The following DLG1 variants were observed in gnomAD, a reference collection of about 807,000 sequenced individuals.
The protein encoded by DLG1 is disks large homolog 1.
DLG1 carries 42 observed loss-of-function variants against 123.4 expected under a neutral mutation model. The observed-to-expected ratio is 0.34, with a 90% CI of 0.27 to 0.44. The LOEUF (loss-of-function observed/expected upper bound fraction) is 0.44. Among genes scored for constraint, DLG1 ranks in the 20% least tolerant of loss-of-function variants. DLG1 has a pLI of 1.00. For synonymous variants in DLG1, 317 were observed against 356.2 expected, an observed-to-expected ratio of 0.89 and a Z score of 1.24; for missense variants, 942 against 1,082.6, an observed-to-expected ratio of 0.87 and a Z score of 1.82.
rs776993452 is a variant in DLG1 at position 197,043,534 on chromosome 3, AAGTT to A, written c.*1085_*1088del. On this transcript the variant is annotated 3_prime_UTR_variant, in exon 25 of 25. Coordinates refer to ENST00000667157, the MANE Select transcript of DLG1 (RefSeq NM_001366207.1). ...ATATTTAATTTAAAAACCAAACAAA[AAGTT>A]AGGAGTAGGTGGCAAAAGAAACAAA... The A allele has an allele frequency of 2.5e-4, 38 of 152,094 alleles. No individual in the cohort carries two copies. The highest frequency in any genetic ancestry group is 4.1e-4 in the South Asian group (2 of 4,822). 9.4% of individuals were successfully genotyped at this position (152,094 alleles called of 1,614,324 possible).
rs1577261195 is a variant in DLG1, at chr3:197,159,560, G to A, written c.484-9764C>T. ...TAACGCATCTAAATGTAAAGTAGTG[G>A]ATCTTTTAAGAATACATATTCACTT... is the stretch of plus-strand genomic sequence containing the variant. On this transcript the variant is annotated intron_variant, in intron 5 of 24. Transcript: ENST00000667157. Among the ~76,000 whole-genome samples the A allele has an allele frequency of 2.0e-5, 3 of 152,224 alleles. No homozygotes were observed. The South Asian group carries it at 6.2e-4, about 32-fold the overall frequency.
At chr3:197,264,985 G>T (rs187470693) in intron 4 of DLG1, among the ~76,000 whole-genome samples, 2 of 152,120 alleles carry the variant, frequency 1.3e-5, no homozygotes, top group African/African-American at 4.8e-5. Flanking sequence ...CTTCAAAAAA[G>T]CTTGCATAGA....
At position 197,194,551 on chromosome 3, in the gene DLG1, C is replaced by T. The variant is rs1028114974; in HGVS notation, c.357G>A (p.Glu119=). ...CATTTGTGATTTGTGGGGAAATATG[C>T]TCTTGAGGAGGTGTATCTTCATCCT... ...RYQDEDTPPQ[E]HISPQITNEV... Residue 119 remains glutamate, a synonymous_variant, in exon 5 of 25, where the codon GAG becomes GAA. Coordinates refer to ENST00000667157, the MANE Select transcript of DLG1 (RefSeq NM_001366207.1). 1 of 1,605,292 alleles carries T rather than the reference C, an allele frequency of 6.2e-7. No individual in the cohort carries two copies. Among genetic ancestry groups the T allele is most frequent in the Non-Finnish European group, 8.5e-7 (1 of 1,176,674 alleles).
intron 14 of DLG1, among the ~76,000 whole-genome samples, chr3:197,091,326 T>C (rs1480554178): frequency 6.6e-6 from 1 of 152,036 alleles, no homozygotes; most frequent in East Asian, 1.9e-4. Flanking sequence ...TAATCTTATA[T>C]TACTGTTGAA....
chr3:197,082,405 T>A (rs1751725234), intron 16 of DLG1, among the ~76,000 whole-genome samples: 1 of 152,016 alleles, frequency 6.6e-6, no homozygotes, highest in South Asian at 2.1e-4. Context: ...AAACTCATGA[T>A]TTTTACGATT....
intron 10 of DLG1, among the ~76,000 whole-genome samples, chr3:197,136,154 A>G (rs1401969201): frequency 6.6e-6 from 1 of 152,190 alleles, no homozygotes; most frequent in East Asian, 1.9e-4. Context: ...AATAAGAAAC[A>G]CAAAATGGTT....
At chr3:197,048,348 G>A (rs1724866564) in intron 24 of DLG1, among the ~76,000 whole-genome samples, 1 of 152,174 alleles carries the variant, frequency 6.6e-6, no homozygotes, top group Admixed American at 6.5e-5. Context: ...GCATGTGCCT[G>A]TAATCCCAGC....
chr3:197,191,777 G>C (rs1327488347), intron 5 of DLG1, among the ~76,000 whole-genome samples: 1 of 152,128 alleles, frequency 6.6e-6, no homozygotes, highest in Admixed American at 6.5e-5. Context: ...ACTTTTAAAA[G>C]TTAAACATAT....
chr3:197,096,629 T>C (rs866778457), intron 14 of DLG1, among the ~76,000 whole-genome samples: 2 of 152,278 alleles, frequency 1.3e-5, no homozygotes, highest in African/African-American at 4.8e-5. Flanking sequence ...CTTTTTCACC[T>C]TCTTGGTTTA....
intron 10 of DLG1, among the ~76,000 whole-genome samples, chr3:197,135,189 A>C (rs953323358): frequency 2.0e-5 from 3 of 152,174 alleles, no homozygotes; most frequent in Admixed American, 2.0e-4. Context: ...GCTTTTCTTC[A>C]GATTCCGTTT....
At chr3:197,083,794 C>CAAACAAAAACAAAAACAAAAACAA (rs3051913) in intron 16 of DLG1, among the ~76,000 whole-genome samples, 6 of 149,426 alleles carry the variant, frequency 4.0e-5, no homozygotes, top group African/African-American at 1.2e-4. Context: ...CCCATCTCCA[C>CAAACAAAAACAAAAACAAAAACAA]AAACAAAAAC....
At chr3:197,103,545 G>A (rs1278472909) in intron 14 of DLG1, among the ~76,000 whole-genome samples, 1 of 151,614 alleles carries the variant, frequency 6.6e-6, no homozygotes, top group African/African-American at 2.4e-5. Flanking sequence ...TTGACATTCT[G>A]ACTTCATACG....
At chr3:197,078,237 C>T (rs1748556718) in intron 17 of DLG1, among the ~76,000 whole-genome samples, 1 of 151,334 alleles carries the variant, frequency 6.6e-6, no homozygotes, top group African/African-American at 2.4e-5. Flanking sequence ...TCACTTGAAC[C>T]CAGGAGTTTG....
intron 5 of DLG1, among the ~76,000 whole-genome samples, chr3:197,193,809 G>A (rs2150251517): frequency 6.6e-6 from 1 of 151,996 alleles, no homozygotes; most frequent in South Asian, 2.1e-4. Flanking sequence ...GGAATTTAAA[G>A]ATGATGTTAA....
chr3:197,234,507 T>A (rs891609068), intron 4 of DLG1, among the ~76,000 whole-genome samples: 10 of 152,208 alleles, frequency 6.6e-5, no homozygotes, highest in Non-Finnish European at 1.5e-5. Flanking sequence ...GATGATATAT[T>A]CCTGTTGTGA....
At position 197,254,541 on chromosome 3, in the gene DLG1, A is replaced by G. The variant is rs536132995; in HGVS notation, c.318+28138T>C. On this transcript the variant is annotated intron_variant, in intron 4 of 24. Coordinates refer to ENST00000667157, the MANE Select transcript of DLG1 (RefSeq NM_001366207.1). ...AAGACATGTAAAGAAGTAGGATAAC[A>G]TAAGAGGAAAACAATCAAAAGAAAA... Among the ~76,000 whole-genome samples the G allele has an allele frequency of 6.0e-4, 91 of 152,356 alleles. 1 individual carries two copies. The South Asian group carries it at 0.018, about 31-fold the overall frequency.
In DLG1 at chr3:197,091,001, T is replaced by C. The variant is rs374001902; in HGVS notation, c.1572A>G (p.Ile524Met). 2.0e-5 allele frequency: 33 copies of C among 1,611,616 alleles called. No individual in the cohort carries two copies. The highest frequency in any genetic ancestry group is 2.6e-5 in the Non-Finnish European group (31 of 1,178,142). ...TCATCATCTGCTCCCGTAAATCATG[T>C]ATTTTAGCTTCAAAACGACTGTATT... The part of the protein sequence containing the change: ...PEEYSRFEAK[I>M]HDLREQMMNS... The change falls in exon 15 of 25, where the codon ATA becomes ATG. Residue 524 changes from isoleucine (I) to methionine (M), a missense_variant. Physicochemically the swap from Ile to Met is conservative, Grantham distance 10. Coordinates refer to ENST00000667157, the MANE Select transcript of DLG1 (RefSeq NM_001366207.1).
chr3:197,282,177 CTT>C (rs992174061), intron 4 of DLG1, among the ~76,000 whole-genome samples: 1 of 152,130 alleles, frequency 6.6e-6, no homozygotes, highest in Non-Finnish European at 1.5e-5. Flanking sequence ...AAAGAAATAA[CTT>C]TACAGAAAAT....
Position 197,119,641 on chromosome 3 carries a change from T to G in DLG1, c.1166-111A>C, listed in dbSNP as rs926299576. ...TATGCACTCCTTTATATATCAGAAT[T>G]TGGTAGAGAAGATTTACTCATCAGC... On this transcript the variant is annotated intron_variant, in intron 11 of 24. Coordinates refer to ENST00000667157, the MANE Select transcript of DLG1 (RefSeq NM_001366207.1). 167 of 1,076,810 alleles carry G rather than the reference T, an allele frequency of 1.6e-4. 1 individual carries two copies. The highest frequency in any genetic ancestry group is 1.9e-4 in the Non-Finnish European group (158 of 819,404). The allele number at this position is 1,076,810 out of a possible 1,614,324, so 66.7% of individuals were successfully genotyped here.
Sources: allele counts gnomAD v4.1 joint callset (sites outside exome capture counted in the v4.1 genomes callset), GRCh38; gene constraint gnomAD v4.1.1; transcripts MANE v1.5; gene names NCBI Gene and HGNC (gene_info 2026-07-23, HGNC 2026-07-21).